The following ZNRF1 variants were observed in gnomAD, a reference collection of about 807,000 sequenced individuals.
The protein encoded by ZNRF1 is E3 ubiquitin-protein ligase ZNRF1.
ZNRF1 carries 3 observed loss-of-function variants against 18.4 expected under a neutral mutation model. The observed-to-expected ratio is 0.16, with a 90% CI of 0.07 to 0.42. The LOEUF is 0.42. ZNRF1 is among the 10% of genes least tolerant of loss of function. The pLI is 0.99. For missense variants in ZNRF1, 310 were observed against 329.8 expected (o/e 0.94, Z 0.47); for synonymous variants, 157 against 144.2 (o/e 1.09, Z -0.64).
At chr16:75,013,248 G>A (rs986300388) in intron 1 of ZNRF1, among the ~76,000 whole-genome samples, 2 of 152,158 alleles carry the variant, frequency 1.3e-5, no homozygotes, top group African/African-American at 4.8e-5. Context: ...TTATAAAGGA[G>A]TAAGAATTAC....
chr16:75,064,057 G>C (rs960051474), intron 1 of ZNRF1, among the ~76,000 whole-genome samples: 5 of 152,144 alleles, frequency 3.3e-5, no homozygotes, highest in Non-Finnish European at 7.3e-5. Context: ...CCAGCACTTT[G>C]GGAGGCTGAG....
In ZNRF1 at chr16:75,097,834, T is replaced by C. The variant is rs145844753; in HGVS notation, c.520+4167T>C. ...CTGTCTCAAAAAATAAAATATAAAA[T>C]AAAAATGTGAGAGGACCTGGCTTCC... On this transcript the variant is annotated intron_variant, in intron 2 of 4. Transcript: ENST00000335325. 2.6e-5 allele frequency among the ~76,000 whole-genome samples: 4 copies of C among 152,104 alleles called. 1 individual carries two copies. The East Asian group carries it at 7.7e-4, about 29-fold the overall frequency.
intron 1 of ZNRF1, among the ~76,000 whole-genome samples, chr16:75,085,411 A>G (rs2036061017): frequency 6.6e-6 from 1 of 152,176 alleles, no homozygotes; most frequent in South Asian, 2.1e-4. Context: ...CGGATGTACC[A>G]CAGTTTCTAT....
At chr16:75,038,223 A>G (rs1465568135) in intron 1 of ZNRF1, among the ~76,000 whole-genome samples, 1 of 152,168 alleles carries the variant, frequency 6.6e-6, no homozygotes, top group Non-Finnish European at 1.5e-5. Context: ...GTTCTTCTCT[A>G]TGTGACTAAC....
intron 2 of ZNRF1, 159 bp from the exon 3 acceptor site, chr16:75,104,625 C>CTTAA: frequency 1.7e-6 from 1 of 578,626 alleles, no homozygotes; most frequent in African/African-American, 1.9e-5. Context: ...CGGTGAAAGT[C>CTTAA]TTAAGGTCAA....
chr16:75,012,729 A>G (rs1319569886), intron 1 of ZNRF1, among the ~76,000 whole-genome samples: 2 of 152,182 alleles, frequency 1.3e-5, no homozygotes, highest in East Asian at 1.9e-4. Context: ...CATTATTTAC[A>G]GTTTCTCGGG....
At chr16:75,064,879 A>G (rs980700374) in intron 1 of ZNRF1, among the ~76,000 whole-genome samples, 12 of 152,224 alleles carry the variant, frequency 7.9e-5, no homozygotes, top group African/African-American at 2.9e-4. Context: ...GGGCCCTGCC[A>G]CAGCTCACCC....
At chr16:75,055,248 A>G (rs138569583) in intron 1 of ZNRF1, among the ~76,000 whole-genome samples, 6 of 152,338 alleles carry the variant, frequency 3.9e-5, no homozygotes, top group African/African-American at 1.2e-4. Context: ...TAAAGTGGCA[A>G]CACTGGCTTA....
chr16:75,074,058 G>A lies in ZNRF1; in HGVS notation c.425-19514G>A, dbSNP rs1009884895. ...AAAGATTGGGATTTTATTCTCTGTG[G>A]GTCAGTTTGAGGTTTGCATTTTTTC... is the stretch of plus-strand genomic sequence containing the variant. On this transcript the variant is annotated intron_variant, in intron 1 of 4. Transcript: ENST00000335325. Among the ~76,000 whole-genome samples the A allele has an allele frequency of 2.4e-4, 36 of 152,140 alleles. No homozygotes were observed. In the Middle Eastern group the frequency reaches 0.01, roughly 43 times the overall value.
At chr16:75,077,851 CTCTG>C (rs1408454303) in intron 1 of ZNRF1, among the ~76,000 whole-genome samples, 6 of 152,304 alleles carry the variant, frequency 3.9e-5, no homozygotes, top group African/African-American at 1.4e-4. Flanking sequence ...ATCTTCAAAT[CTCTG>C]TCTGTCTGCT....
intron 1 of ZNRF1, among the ~76,000 whole-genome samples, chr16:75,041,522 G>T (rs1389099520): frequency 6.6e-6 from 1 of 151,706 alleles, no homozygotes; most frequent in Non-Finnish European, 1.5e-5. Context: ...TTACAGATGG[G>T]GTTTCACCAT....
At chr16:75,011,910 G>A (rs919998393) in intron 1 of ZNRF1, among the ~76,000 whole-genome samples, 6 of 152,198 alleles carry the variant, frequency 3.9e-5, no homozygotes, top group African/African-American at 1.4e-4. Context: ...AGTATTATGA[G>A]CTGTTCTGTT....
At chr16:75,021,245 G>A (rs1161720264) in intron 1 of ZNRF1, among the ~76,000 whole-genome samples, 1 of 151,782 alleles carries the variant, frequency 6.6e-6, no homozygotes, top group Non-Finnish European at 1.5e-5. Flanking sequence ...CACCACGTTG[G>A]CCAGGCTGGT....
intron 1 of ZNRF1, among the ~76,000 whole-genome samples, chr16:75,044,943 T>C (rs1467270441): frequency 6.6e-6 from 1 of 152,204 alleles, no homozygotes; most frequent in Non-Finnish European, 1.5e-5. Context: ...CTTTCTCTAA[T>C]GTTGCATAAT....
rs1233341124 is a variant in ZNRF1 at position 75,104,831 on chromosome 16, G to A, written c.568G>A (p.Glu190Lys). The change falls in exon 3 of 5, where the codon GAG becomes AAG. Residue 190 changes from glutamate (E) to lysine (K), a missense_variant. Around this residue, in one of 2 missense-constraint regions of ZNRF1, gnomAD observed 293 missense variants for 291.2 expected, o/e 1.01. Coordinates refer to ENST00000335325, the MANE Select transcript of ZNRF1 (RefSeq NM_032268.5). ...GGGTGAGTGTGTGATCTGCCTGGAG[G>A]AGCTGCTGCAGGGGGACACGATAGC... is the stretch of plus-strand genomic sequence containing the variant. ...DAGECVICLE[E>K]LLQGDTIARL... is the part of the protein sequence containing the mutation. The A allele has an allele frequency of 1.9e-6, 3 of 1,611,154 alleles. No homozygotes were observed. The African/African-American group carries it at 4.0e-5, about 22-fold the overall frequency.
At chr16:75,085,919 G>C (rs1202690265) in intron 1 of ZNRF1, among the ~76,000 whole-genome samples, 5 of 151,888 alleles carry the variant, frequency 3.3e-5, no homozygotes, top group Non-Finnish European at 7.4e-5. Context: ...CTGCAAGCTG[G>C]AGACCTGGGA....
chr16:75,064,072 G>T (rs905896948), intron 1 of ZNRF1, among the ~76,000 whole-genome samples: 3 of 152,178 alleles, frequency 2.0e-5, no homozygotes, highest in African/African-American at 7.2e-5. Context: ...GCTGAGGCAG[G>T]CGGATCACTT....
At chr16:75,079,613 T>G (rs1189028480) in intron 1 of ZNRF1, among the ~76,000 whole-genome samples, 1 of 152,182 alleles carries the variant, frequency 6.6e-6, no homozygotes, top group African/African-American at 2.4e-5. Flanking sequence ...ATGAAGGCCT[T>G]CTCTCACCCT....
chr16:75,050,065 C>G (rs1416859879), intron 1 of ZNRF1, among the ~76,000 whole-genome samples: 2 of 152,106 alleles, frequency 1.3e-5, no homozygotes, highest in Non-Finnish European at 2.9e-5. Flanking sequence ...TTCAGTAATG[C>G]TATATAAATG....
Sources: allele counts gnomAD v4.1 joint callset (sites outside exome capture counted in the v4.1 genomes callset), GRCh38; gene constraint gnomAD v4.1.1; regional missense constraint gnomAD v4.1.1; transcripts MANE v1.5; gene names NCBI Gene and HGNC (gene_info 2026-07-23, HGNC 2026-07-21).